Variants in SLC35F3 observed in about 807,000 individuals in gnomAD.
SLC35F3 encodes solute carrier family 35 member F3, also known as putative thiamine transporter SLC35F3.
A neutral mutation model predicts 49.9 loss-of-function variants in SLC35F3; 25 were observed. The ratio of observed to expected loss-of-function variants is 0.50; its 90% CI spans 0.37 to 0.70. The LOEUF (loss-of-function observed/expected upper bound fraction) is 0.70, where lower values mean the gene tolerates loss of function less well. Ranked by LOEUF, SLC35F3 falls within the 30% of genes least tolerant of loss-of-function variation. SLC35F3 has a pLI of 0.00. For synonymous variants in SLC35F3, 275 were observed against 265.4 expected (o/e 1.04, Z -0.35); for missense variants, 525 against 639.8 (o/e 0.82, Z 1.94).
chr1:234,023,792 C>T (rs1349424471), intron 2 of SLC35F3, among the ~76,000 whole-genome samples: 5 of 151,502 alleles, frequency 3.3e-5, no homozygotes, highest in African/African-American at 7.3e-5. Flanking sequence ...TCTTCTTCCC[C>T]GAGCCCAATA....
At chr1:234,025,527 T>C (rs955285345) in intron 2 of SLC35F3, among the ~76,000 whole-genome samples, 1 of 152,242 alleles carries the variant, frequency 6.6e-6, no homozygotes, top group Non-Finnish European at 1.5e-5. Flanking sequence ...TGGTTTGAGA[T>C]GGTGTCTCAT....
chr1:234,279,034 A>G (rs1668261630), intron 3 of SLC35F3, among the ~76,000 whole-genome samples: 1 of 152,196 alleles, frequency 6.6e-6, no homozygotes, highest in Non-Finnish European at 1.5e-5. Context: ...CATGTGCCCA[A>G]GGTGGTCCGA....
At chr1:234,206,272 GTTAT>G (rs1468450215) in intron 2 of SLC35F3, among the ~76,000 whole-genome samples, 1 of 152,032 alleles carries the variant, frequency 6.6e-6, no homozygotes, top group Non-Finnish European at 1.5e-5. Context: ...AGAGGGCCTG[GTTAT>G]TTCCTAGATC....
chr1:233,913,245 A>G (rs909747077), intron 2 of SLC35F3, among the ~76,000 whole-genome samples: 3 of 152,228 alleles, frequency 2.0e-5, no homozygotes, highest in African/African-American at 7.2e-5. Context: ...CCGCTTGATT[A>G]GAACATCATG....
intron 2 of SLC35F3, among the ~76,000 whole-genome samples, chr1:234,012,100 T>G (rs1343528824): frequency 6.6e-6 from 1 of 152,134 alleles, no homozygotes; most frequent in Non-Finnish European, 1.5e-5. Flanking sequence ...GTGTCATAAT[T>G]AAGTTTAAGG....
At chr1:234,148,860 A>C (rs1666033133) in intron 2 of SLC35F3, among the ~76,000 whole-genome samples, 1 of 152,220 alleles carries the variant, frequency 6.6e-6, no homozygotes, top group Non-Finnish European at 1.5e-5. Flanking sequence ...AGGAAAAAAA[A>C]GAAATTGACT....
chr1:234,115,788 T>G (rs1372985110), intron 2 of SLC35F3, among the ~76,000 whole-genome samples: 1 of 152,062 alleles, frequency 6.6e-6, no homozygotes, highest in African/African-American at 2.4e-5. Context: ...GGCATTTTAT[T>G]ACATAACCAT....
In SLC35F3 at chr1:233,938,698, ATGAATGG is replaced by A. The variant is rs1278145139; in HGVS notation, c.283+32941_283+32947del. ...GGTGGATGGATGGATGGATGGATGGATGAATGGATGGATGGATGGATGGATGAATGGA... is the reference window on the plus strand; with the variant it reads ...GGTGGATGGATGGATGGATGGATGGAATGGATGGATGGATGGATGAATGGA... On this transcript the variant is annotated intron_variant, in intron 2 of 7. Coordinates refer to ENST00000366618, the MANE Select transcript of SLC35F3 (RefSeq NM_173508.4). Among the ~76,000 whole-genome samples, 524 of 147,626 alleles carry A rather than the reference ATGAATGG, an allele frequency of 3.5e-3. 4 individuals are homozygous for A. The highest frequency in any genetic ancestry group is 0.012 in the African/African-American group (483 of 39,884).
Position 233,940,958 on chromosome 1 carries a change from C to A in SLC35F3, c.283+35200C>A, listed in dbSNP as rs141220450. Among the ~76,000 whole-genome samples the A allele has an allele frequency of 1.7e-4, 26 of 152,338 alleles. 1 individual carries two copies. In the East Asian group the frequency reaches 4.4e-3, roughly 26 times the overall value. On this transcript the variant is annotated intron_variant, in intron 2 of 7. Coordinates refer to ENST00000366618, the MANE Select transcript of SLC35F3 (RefSeq NM_173508.4). ...ACTCACCCACTGCCCGTGAAGATAC[C>A]TACCTACTTCCTCATGTAGTGGATA...
At chr1:233,998,472 T>G (rs1663498679) in intron 2 of SLC35F3, among the ~76,000 whole-genome samples, 1 of 151,748 alleles carries the variant, frequency 6.6e-6, no homozygotes, top group Admixed American at 6.6e-5. Context: ...TGGAATGTAA[T>G]GGAACAGGGC....
At chr1:234,153,812 G>T (rs1423557147) in intron 2 of SLC35F3, among the ~76,000 whole-genome samples, 3 of 151,706 alleles carry the variant, frequency 2.0e-5, no homozygotes, top group Non-Finnish European at 4.4e-5. Context: ...AGTGGCTCAC[G>T]CCTGTAATCC....
intron 2 of SLC35F3, among the ~76,000 whole-genome samples, chr1:234,221,274 G>A (rs1014715653): frequency 1.3e-5 from 2 of 152,148 alleles, no homozygotes; most frequent in African/African-American, 4.8e-5. Flanking sequence ...GTCTTAAGGG[G>A]GAGGGAGATA....
At chr1:234,179,952 T>C (rs1357475111) in intron 2 of SLC35F3, among the ~76,000 whole-genome samples, 3 of 152,208 alleles carry the variant, frequency 2.0e-5, no homozygotes, top group Non-Finnish European at 2.9e-5. Flanking sequence ...TTCCATGACC[T>C]TGGGCTGTCA....
At chr1:233,970,001 G>A (rs767636907) in intron 2 of SLC35F3, among the ~76,000 whole-genome samples, 2 of 152,180 alleles carry the variant, frequency 1.3e-5, no homozygotes, top group African/African-American at 2.4e-5. Flanking sequence ...CTGCCTCATC[G>A]GATGCCCTCT....
At chr1:234,292,557 GGGGCATCCT>G (rs1357948729) in intron 3 of SLC35F3, among the ~76,000 whole-genome samples, 4 of 152,190 alleles carry the variant, frequency 2.6e-5, no homozygotes, top group Admixed American at 6.5e-5. Context: ...GGTGCCTGTT[GGGGCATCCT>G]GGGGTCTGGA....
At chr1:234,202,207 A>T (rs7544443) in intron 2 of SLC35F3, among the ~76,000 whole-genome samples, 12,769 of 152,258 alleles carry the variant, frequency 0.084, 1,770 homozygotes, top group African/African-American at 0.29. Context: ...TGATGAGAAC[A>T]CATGGACATG....
intron 2 of SLC35F3, among the ~76,000 whole-genome samples, chr1:234,216,103 A>G (rs1667116572): frequency 6.6e-6 from 1 of 152,106 alleles, no homozygotes; most frequent in South Asian, 2.1e-4. Context: ...TACCTCTTCC[A>G]GGGGTGTTTG....
chr1:234,111,269 G>C (rs1433849047), intron 2 of SLC35F3, among the ~76,000 whole-genome samples: 1 of 151,948 alleles, frequency 6.6e-6, no homozygotes, highest in African/African-American at 2.4e-5. Flanking sequence ...GACTTTGCTG[G>C]TGAAAAGGCC....
chr1:234,321,478 T>C (rs978287081), intron 7 of SLC35F3, among the ~76,000 whole-genome samples: 2 of 151,990 alleles, frequency 1.3e-5, no homozygotes, highest in Non-Finnish European at 2.9e-5. Context: ...AAAAGAAAAA[T>C]GGTCCAGATG....
Sources: gnomAD v4.1 joint callset for allele counts (sites outside exome capture counted in the v4.1 genomes callset) on GRCh38, gnomAD v4.1.1 for gene constraint, MANE v1.5 for transcripts, NCBI Gene and HGNC (gene_info 2026-07-23, HGNC 2026-07-21) for gene names.